Variants in DIAPH2 observed in about 807,000 individuals in gnomAD.
The protein encoded by DIAPH2 is protein diaphanous homolog 2.
Under a neutral mutation model 92.7 loss-of-function variants are expected in DIAPH2, and 35 were observed. That is an observed-to-expected ratio of 0.38 (90% CI 0.29 to 0.50). The LOEUF is 0.50. Among genes scored for constraint, DIAPH2 ranks in the 20% least tolerant of loss-of-function variants. The pLI is 0.94. For synonymous variants in DIAPH2, 301 were observed against 280.4 expected, an observed-to-expected ratio of 1.07 and a Z score of -0.73; for missense variants, 701 against 819.5, an observed-to-expected ratio of 0.86 and a Z score of 1.77.
intron 26 of DIAPH2, among the ~76,000 whole-genome samples, chrX:97,482,702 A>G (rs1448463561): frequency 8.9e-6 from 1 of 112,218 alleles, no homozygotes; most frequent in East Asian, 2.8e-4. Flanking sequence ...GACAAATCAA[A>G]GTTGAAAGTT....
chrX:97,550,170 C>T (rs2071209885), intron 26 of DIAPH2, among the ~76,000 whole-genome samples: 1 of 111,591 alleles, frequency 9.0e-6, no homozygotes, highest in African/African-American at 3.3e-5. Context: ...ACCAGCCTGG[C>T]CAACACGATG....
intron 17 of DIAPH2, among the ~76,000 whole-genome samples, chrX:97,052,306 T>C (rs1385728842): frequency 9.0e-6 from 1 of 110,717 alleles, no homozygotes; most frequent in Non-Finnish European, 1.9e-5. Flanking sequence ...CAGAATAAAT[T>C]GTATATTGAA....
intron 26 of DIAPH2, among the ~76,000 whole-genome samples, chrX:97,437,496 T>C (rs1170515566): frequency 2.7e-5 from 3 of 110,791 alleles, no homozygotes. Context: ...ATAAATTTCA[T>C]AATATAAGTG....
At chrX:96,802,585 A>G (rs1212396871) in intron 4 of DIAPH2, among the ~76,000 whole-genome samples, 1 of 111,781 alleles carries the variant, frequency 8.9e-6, no homozygotes, top group Admixed American at 9.5e-5. Flanking sequence ...TCTGTTTGGT[A>G]TATGGAATTG....
chrX:96,956,306 G>A (rs2065810095), intron 15 of DIAPH2, among the ~76,000 whole-genome samples: 1 of 109,772 alleles, frequency 9.1e-6, no homozygotes, highest in Non-Finnish European at 1.9e-5. Flanking sequence ...GCACACAGCG[G>A]GAGGGCCCTG....
intron 21 of DIAPH2, among the ~76,000 whole-genome samples, chrX:97,133,832 T>C (rs910897594): frequency 8.9e-6 from 1 of 112,113 alleles, no homozygotes; most frequent in East Asian, 2.8e-4. Context: ...ACACCCACCA[T>C]AGTCTGATTT....
At chrX:97,213,205 G>T (rs2067855322) in intron 22 of DIAPH2, among the ~76,000 whole-genome samples, 1 of 111,566 alleles carries the variant, frequency 9.0e-6, no homozygotes, top group African/African-American at 3.3e-5. Context: ...TAATTTCTAA[G>T]ATATGAGATG....
intron 21 of DIAPH2, among the ~76,000 whole-genome samples, chrX:97,136,042 A>G (rs5967003): frequency 0.038 from 4,254 of 112,035 alleles, 222 homozygotes; most frequent in African/African-American, 0.13. Flanking sequence ...TGCCTATTGT[A>G]TGCTACCCAC....
chrX:96,941,097 G>A (rs943983230), intron 12 of DIAPH2, among the ~76,000 whole-genome samples: 4 of 111,063 alleles, frequency 3.6e-5, no homozygotes, highest in Non-Finnish European at 7.6e-5. Flanking sequence ...CTTATTCTTG[G>A]GACCAGACCC....
At chrX:97,507,141 C>CAAAAAAAAAAAAAAA (rs397896097) in intron 26 of DIAPH2, among the ~76,000 whole-genome samples, 15 of 31,124 alleles carry the variant, frequency 4.8e-4, no homozygotes, top group African/African-American at 6.9e-4. Context: ...ACAAAACCGA[C>CAAAAAAAAAAAAAAA]AAAAAAAAAA....
intron 22 of DIAPH2, among the ~76,000 whole-genome samples, chrX:97,224,683 C>T (rs2067951658): frequency 9.0e-6 from 1 of 111,207 alleles, no homozygotes; most frequent in South Asian, 3.8e-4. Context: ...CATCTTAATC[C>T]TTATTTGAGT....
chrX:97,417,528 G>A (rs1460548139), intron 25 of DIAPH2, among the ~76,000 whole-genome samples: 1 of 111,042 alleles, frequency 9.0e-6, no homozygotes, highest in Non-Finnish European at 1.9e-5. Context: ...ACAAAAATTA[G>A]CCTGGGCGTG....
rs182393085 is a variant in DIAPH2 at position 97,033,253 on chromosome X, G to C, written c.2051-39688G>C. 8.1e-4 allele frequency among the ~76,000 whole-genome samples: 91 copies of C among 112,178 alleles called. No individual in the cohort carries two copies. In the Middle Eastern group the frequency reaches 0.014, roughly 17 times the overall value. ...GAAAATGTGAGATTTTTATGAGCAA[G>C]ATTAGCAAACAATTAAAACCAGTTT... On this transcript the variant is annotated intron_variant, in intron 17 of 26. Transcript: ENST00000324765.
At chrX:96,810,663 A>T (rs989484392) in intron 4 of DIAPH2, among the ~76,000 whole-genome samples, 5 of 111,631 alleles carry the variant, frequency 4.5e-5, no homozygotes, top group African/African-American at 1.6e-4. Flanking sequence ...TCTAACGTTT[A>T]AGTCTTTAAT....
intron 19 of DIAPH2, among the ~76,000 whole-genome samples, chrX:97,081,098 G>A (rs920490038): frequency 6.3e-5 from 7 of 111,421 alleles, no homozygotes; most frequent in Non-Finnish European, 1.1e-4. Context: ...AATTCTTTAG[G>A]GAAAATGAAA....
intron 22 of DIAPH2, among the ~76,000 whole-genome samples, chrX:97,192,310 AAAAAGAAAAG>A (rs1158416974): frequency 1.9e-5 from 2 of 102,977 alleles, no homozygotes; most frequent in Non-Finnish European, 3.8e-5. Context: ...AAAAAAAAAA[AAAAAGAAAAG>A]AAAAGAAAAG....
intron 17 of DIAPH2, among the ~76,000 whole-genome samples, chrX:96,972,789 G>A (rs1436685260): frequency 9.1e-6 from 1 of 109,518 alleles, no homozygotes; most frequent in African/African-American, 3.3e-5. Flanking sequence ...AAGGAAAGAC[G>A]GCATTCTAGC....
intron 1 of DIAPH2, among the ~76,000 whole-genome samples, chrX:96,713,455 A>G (rs1216858433): frequency 9.0e-6 from 1 of 111,524 alleles, no homozygotes; most frequent in Non-Finnish European, 1.9e-5. Context: ...CCTACACCAC[A>G]GTGATACATT....
At chrX:97,140,407 A>T (rs1029576265) in intron 21 of DIAPH2, among the ~76,000 whole-genome samples, 1 of 111,274 alleles carries the variant, frequency 9.0e-6, no homozygotes, top group Admixed American at 9.6e-5. Flanking sequence ...GAGTTGTGTC[A>T]TTTCTACCTT....
Sources: gnomAD v4.1 joint callset for allele counts (sites outside exome capture counted in the v4.1 genomes callset) on GRCh38, gnomAD v4.1.1 for gene constraint, MANE v1.5 for transcripts, NCBI Gene and HGNC (gene_info 2026-07-23, HGNC 2026-07-21) for gene names.